The following KIAA1217 variants were observed in gnomAD, a reference collection of about 807,000 sequenced individuals.
The protein encoded by KIAA1217 is sickle tail protein homolog.
A neutral mutation model predicts 163.9 loss-of-function variants in KIAA1217; 88 were observed. The observed-to-expected ratio is 0.54, with a 90% confidence interval of 0.45 to 0.64. The LOEUF is 0.64. KIAA1217 is among the 30% of genes least tolerant of loss of function. The pLI, the probability that KIAA1217 is intolerant of heterozygous loss-of-function variation, is 0.00. For missense variants in KIAA1217, 2,372 were observed against 2,475.0 expected, an observed-to-expected ratio of 0.96 and a Z score of 0.88; for synonymous variants, 903 against 923.1, an observed-to-expected ratio of 0.98 and a Z score of 0.39.
chr10:23,867,175 T>G (rs918970803), intron 1 of KIAA1217, among the ~76,000 whole-genome samples: 3 of 152,138 alleles, frequency 2.0e-5, no homozygotes, highest in African/African-American at 7.2e-5. Context: ...ACAAAGGACA[T>G]GAACTCATCA....
At chr10:23,761,086 CA>C (rs972822604) in intron 1 of KIAA1217, among the ~76,000 whole-genome samples, 9 of 150,152 alleles carry the variant, frequency 6.0e-5, no homozygotes, top group Non-Finnish European at 1.0e-4. Flanking sequence ...CTCATCTCTA[CA>C]AAAAAAAATT....
chr10:24,220,559 A>G (rs1237126117), intron 2 of KIAA1217, among the ~76,000 whole-genome samples: 4 of 142,924 alleles, frequency 2.8e-5, no homozygotes, highest in Admixed American at 7.4e-5. Flanking sequence ...GGTTCACACC[A>G]TTCTCCTGCC....
intron 3 of KIAA1217, among the ~76,000 whole-genome samples, chr10:24,392,519 G>C (rs1402875612): frequency 6.6e-6 from 1 of 152,178 alleles, no homozygotes; most frequent in Non-Finnish European, 1.5e-5. Flanking sequence ...CCCTCAGATG[G>C]TTGGTCCTTG....
chr10:24,528,188 G>C, intron 14 of KIAA1217, 69 bp downstream of exon 14: 1 of 1,287,142 alleles, frequency 7.8e-7, no homozygotes, highest in Non-Finnish European at 1.1e-6. Context: ...TGCCATCCAC[G>C]ACAGCACATA....
rs117766777 is a variant in KIAA1217, at chr10:24,327,219, T to G, written c.355-53650T>G. ...GGAAAGCCATTTCATGAGCACTGCC[T>G]TCACAAGGTAAGATGCCAAATACAG... On this transcript the variant is annotated intron_variant, in intron 2 of 20. Coordinates refer to ENST00000376454, the MANE Select transcript of KIAA1217 (RefSeq NM_019590.5). Among the ~76,000 whole-genome samples, 700 of 152,304 alleles carry G rather than the reference T, an allele frequency of 4.6e-3. 3 individuals carry two copies. The highest frequency in any genetic ancestry group is 9.8e-3 in the Admixed American group (150 of 15,298).
At chr10:23,727,529 C>T (rs940711915) in intron 1 of KIAA1217, among the ~76,000 whole-genome samples, 6 of 152,030 alleles carry the variant, frequency 3.9e-5, no homozygotes, top group Admixed American at 6.5e-5. Flanking sequence ...CACTGCACTC[C>T]AGTCTGGGCG....
intron 1 of KIAA1217, among the ~76,000 whole-genome samples, chr10:23,850,108 TC>T (rs1268848027): frequency 6.6e-6 from 1 of 151,882 alleles, no homozygotes; most frequent in Non-Finnish European, 1.5e-5. Context: ...TGCCTGAGAG[TC>T]CATCCCATTA....
At chr10:24,089,690 T>A (rs1356395981) in intron 2 of KIAA1217, among the ~76,000 whole-genome samples, 1 of 151,880 alleles carries the variant, frequency 6.6e-6, no homozygotes, top group East Asian at 1.9e-4. Context: ...GCTGTTTTGG[T>A]TACTGTAGCC....
At chr10:23,879,237 T>C (rs750494153) in intron 1 of KIAA1217, among the ~76,000 whole-genome samples, 3 of 151,898 alleles carry the variant, frequency 2.0e-5, no homozygotes, top group Admixed American at 1.3e-4. Flanking sequence ...TTGGCATTTT[T>C]AAAAACCTCC....
chr10:24,321,961 T>G (rs1989693), intron 2 of KIAA1217, among the ~76,000 whole-genome samples: 70,842 of 151,872 alleles, frequency 0.47, 17,970 homozygotes, highest in Middle Eastern at 0.64. Flanking sequence ...TTTTATTTTA[T>G]TTTTTGAGAC....
Position 24,387,938 on chromosome 10 carries a change from A to G in KIAA1217, c.553+6871A>G, listed in dbSNP as rs1370215371. ...ACAAATGGAAGAACATTCCATGCTC[A>G]TGGATAGGAAGAGTCAATATTGTGA... On this transcript the variant is annotated intron_variant, in intron 3 of 20. Coordinates refer to ENST00000376454, the MANE Select transcript of KIAA1217 (RefSeq NM_019590.5). Among the ~76,000 whole-genome samples, 12 of 152,316 alleles carry G rather than the reference A, an allele frequency of 7.9e-5. No homozygotes were observed. The East Asian group carries it at 2.3e-3, about 29-fold the overall frequency.
chr10:24,049,848 G>T (rs573081641), intron 2 of KIAA1217, among the ~76,000 whole-genome samples: 1 of 152,142 alleles, frequency 6.6e-6, no homozygotes, highest in Non-Finnish European at 1.5e-5. Flanking sequence ...GGGTCAAATG[G>T]TATTTCTGGT....
chr10:23,867,120 G>A (rs536656052), intron 1 of KIAA1217, among the ~76,000 whole-genome samples: 9 of 151,502 alleles, frequency 5.9e-5, no homozygotes, highest in Non-Finnish European at 7.4e-5. Context: ...TTGTTCTTGC[G>A]ATAGTTTACT....
intron 1 of KIAA1217, among the ~76,000 whole-genome samples, chr10:23,823,735 A>T (rs1211408318): frequency 6.6e-6 from 1 of 152,174 alleles, no homozygotes; most frequent in Admixed American, 6.5e-5. Flanking sequence ...AGTATTCAAT[A>T]AGAGTGACTA....
chr10:23,746,056 A>G (rs1270204242), intron 1 of KIAA1217, among the ~76,000 whole-genome samples: 4 of 152,152 alleles, frequency 2.6e-5, no homozygotes, highest in Non-Finnish European at 4.4e-5. Context: ...TACAAATCTC[A>G]TGTTGAAATT....
intron 1 of KIAA1217, chr10:23,877,488 T>C (rs1840750110): frequency 6.6e-6 from 1 of 151,418 alleles, no homozygotes; most frequent in Non-Finnish European, 1.5e-5. Context: ...ATCGAACACC[T>C]GTAGTGGGTG....
intron 1 of KIAA1217, among the ~76,000 whole-genome samples, chr10:23,768,523 ACT>A (rs1403411262): frequency 6.6e-6 from 1 of 152,094 alleles, no homozygotes; most frequent in Non-Finnish European, 1.5e-5. Context: ...TTCCTGTGCT[ACT>A]CTTGTCTACT....
At chr10:24,284,896 A>G (rs1183454780) in intron 2 of KIAA1217, among the ~76,000 whole-genome samples, 1 of 152,178 alleles carries the variant, frequency 6.6e-6, no homozygotes, top group African/African-American at 2.4e-5. Context: ...AGCTTCGCCA[A>G]CTTGTTACTT....
chr10:24,073,691 G>A (rs1564667827), intron 2 of KIAA1217, among the ~76,000 whole-genome samples: 1 of 152,290 alleles, frequency 6.6e-6, no homozygotes, highest in African/African-American at 2.4e-5. Context: ...TATTCCAATA[G>A]GAATGTGCTG....
Sources: allele counts gnomAD v4.1 joint callset (sites outside exome capture counted in the v4.1 genomes callset), GRCh38; gene constraint gnomAD v4.1.1; transcripts MANE v1.5; gene names NCBI Gene and HGNC (gene_info 2026-07-23, HGNC 2026-07-21).